LRMDA: variants seen among roughly 807,000 people sequenced by gnomAD.
LRMDA encodes leucine-rich melanocyte differentiation-associated protein.
LRMDA carries 18 observed loss-of-function variants against 29.8 expected under a neutral mutation model. The ratio of observed to expected loss-of-function variants is 0.60; its 90% CI spans 0.42 to 0.90. The LOEUF is 0.90. LRMDA is among the 40% of genes least tolerant of loss of function. The probability of loss-of-function intolerance (pLI) is 0.00; values close to 1 mark genes in which losing one functional copy is unlikely to be tolerated. For missense variants in LRMDA, 273 were observed against 273.9 expected (o/e 1.00, Z 0.02); for synonymous variants, 125 against 109.4 (o/e 1.14, Z -0.89).
intron 6 of LRMDA, among the ~76,000 whole-genome samples, chr10:76,472,060 C>T (rs904942838): frequency 2.0e-5 from 3 of 151,704 alleles, no homozygotes; most frequent in African/African-American, 7.2e-5. Flanking sequence ...TTGGACAACA[C>T]TATAAACCAA....
rs1845027564 is a variant in LRMDA at position 75,494,946 on chromosome 10, C to CA, written c.131+56453dup. Among the ~76,000 whole-genome samples, 3 of 152,324 alleles carry CA rather than the reference C, an allele frequency of 2.0e-5. No homozygotes were observed. In the South Asian group the frequency reaches 6.2e-4, roughly 32 times the overall value. ...GGATGGCAACTAGAAGTCCAGCCATCATGTCCACATTCCAGGCTGGCAGCA... is the reference window on the plus strand; with the variant it reads ...GGATGGCAACTAGAAGTCCAGCCATCAATGTCCACATTCCAGGCTGGCAGCA... On this transcript the variant is annotated intron_variant, in intron 2 of 6. Coordinates refer to ENST00000611255, the MANE Select transcript of LRMDA (RefSeq NM_001305581.2).
At position 76,313,696 on chromosome 10, in the gene LRMDA, C is replaced by T. The variant is rs190202996; in HGVS notation, c.517-10705C>T. Among the ~76,000 whole-genome samples the T allele has an allele frequency of 3.0e-3, 454 of 152,262 alleles. 2 individuals are homozygous for T. The highest frequency in any genetic ancestry group is 4.0e-3 in the Non-Finnish European group (275 of 68,026). On this transcript the variant is annotated intron_variant, in intron 5 of 6. Coordinates refer to ENST00000611255, the MANE Select transcript of LRMDA (RefSeq NM_001305581.2). ...CTGGGAAAAAAAGTGTGTGTGTATA[C>T]ACATGCATATATAATATATTGCATT... is the stretch of plus-strand genomic sequence containing the variant.
intron 3 of LRMDA, among the ~76,000 whole-genome samples, chr10:76,042,817 T>G (rs1324831303): frequency 6.6e-6 from 1 of 152,228 alleles, no homozygotes; most frequent in African/African-American, 2.4e-5. Flanking sequence ...TAGAAATGTT[T>G]CTTTCAGTTT....
chr10:76,191,011 T>C (rs544522427), intron 5 of LRMDA, among the ~76,000 whole-genome samples: 159 of 152,130 alleles, frequency 1.0e-3, no homozygotes, highest in Non-Finnish European at 2.0e-3. Flanking sequence ...TATGAAGAGA[T>C]CAGAAAAGAG....
intron 5 of LRMDA, among the ~76,000 whole-genome samples, chr10:76,283,430 G>C (rs918693515): frequency 6.6e-6 from 1 of 152,162 alleles, no homozygotes; most frequent in Non-Finnish European, 1.5e-5. Context: ...TGAGACAAGT[G>C]CTTGAGGGAC....
intron 4 of LRMDA, among the ~76,000 whole-genome samples, chr10:76,047,706 G>A (rs1484578931): frequency 6.6e-6 from 1 of 152,162 alleles, no homozygotes; most frequent in East Asian, 1.9e-4. Flanking sequence ...TCACCCATGG[G>A]CTGTAACTTG....
At chr10:75,597,132 C>G (rs1001273437) in intron 2 of LRMDA, among the ~76,000 whole-genome samples, 1 of 152,026 alleles carries the variant, frequency 6.6e-6, no homozygotes, top group African/African-American at 2.4e-5. Flanking sequence ...CACTTAATTA[C>G]AAAACCATGC....
At chr10:76,177,022 G>T (rs530779187) in intron 5 of LRMDA, among the ~76,000 whole-genome samples, 1 of 152,284 alleles carries the variant, frequency 6.6e-6, no homozygotes, top group South Asian at 2.1e-4. Flanking sequence ...ACAGGACCTG[G>T]GCACCCAATG....
At position 76,233,473 on chromosome 10, in the gene LRMDA, TAAAAG is replaced by T. The variant is rs777052699; in HGVS notation, c.517-90925_517-90921del. The stretch of plus-strand genomic sequence containing the variant: ...GGTTGGGATGGCTGTGACAATTTCT[TAAAAG>T]AAGACAACAATGAGGTTTGCCACAT... On this transcript the variant is annotated intron_variant, in intron 5 of 6. Coordinates refer to ENST00000611255, the MANE Select transcript of LRMDA (RefSeq NM_001305581.2). 3.4e-4 allele frequency among the ~76,000 whole-genome samples: 52 copies of T among 152,160 alleles called. 1 individual carries two copies. Among genetic ancestry groups the T allele is most frequent in the Admixed American group, 1.3e-4 (2 of 15,276 alleles).
At position 75,745,819 on chromosome 10, in the gene LRMDA, G is replaced by GT. The variant is rs141177905; in HGVS notation, c.132-290183dup. Among the ~76,000 whole-genome samples the GT allele has an allele frequency of 9.6e-3, 1,454 of 152,214 alleles. 9 individuals are homozygous for GT. Among genetic ancestry groups the GT allele is most frequent in the South Asian group, 0.036 (174 of 4,820 alleles). Reference sequence around the variant, plus strand: ...GTCTGTGACAATTCAGCTTTTCTTTGTTTTTTCGTGATGACCTTGACAGTC... The same window carrying GT: ...GTCTGTGACAATTCAGCTTTTCTTTGTTTTTTTCGTGATGACCTTGACAGTC... On this transcript the variant is annotated intron_variant, in intron 2 of 6. Coordinates refer to ENST00000611255, the MANE Select transcript of LRMDA (RefSeq NM_001305581.2).
intron 5 of LRMDA, among the ~76,000 whole-genome samples, chr10:76,059,646 C>A (rs147911370): frequency 1.3e-5 from 2 of 152,166 alleles, no homozygotes; most frequent in East Asian, 3.9e-4. Flanking sequence ...CACTGATATC[C>A]TAGAAGTCTA....
intron 2 of LRMDA, among the ~76,000 whole-genome samples, chr10:75,521,421 G>A (rs895433766): frequency 2.0e-5 from 3 of 152,206 alleles, no homozygotes; most frequent in South Asian, 2.1e-4. Context: ...AATGGCAGAC[G>A]CCCCTCCCCC....
At chr10:75,983,443 A>G (rs960682440) in intron 2 of LRMDA, among the ~76,000 whole-genome samples, 1 of 152,120 alleles carries the variant, frequency 6.6e-6, no homozygotes, top group Admixed American at 6.5e-5. Flanking sequence ...GATTCTGACG[A>G]TGATGATGGT....
At chr10:76,106,905 G>T (rs72813591) in intron 5 of LRMDA, among the ~76,000 whole-genome samples, 6,791 of 152,242 alleles carry the variant, frequency 0.045, 210 homozygotes, top group Middle Eastern at 0.072. Context: ...CCATTCTTTT[G>T]CCAGACTGAG....
intron 2 of LRMDA, among the ~76,000 whole-genome samples, chr10:75,773,072 C>T (rs866286530): frequency 5.3e-5 from 8 of 152,204 alleles, no homozygotes; most frequent in Non-Finnish European, 1.0e-4. Flanking sequence ...CATTCCACTG[C>T]GACCTTGCCA....
At chr10:75,941,899 T>C (rs1435459150) in intron 2 of LRMDA, among the ~76,000 whole-genome samples, 5 of 152,204 alleles carry the variant, frequency 3.3e-5, no homozygotes, top group Non-Finnish European at 5.9e-5. Context: ...CTAGGCTCCT[T>C]GTTCATGTCC....
At position 76,190,740 on chromosome 10, in the gene LRMDA, T is replaced by G. The variant is rs1036134313; in HGVS notation, c.516+131957T>G. 9.9e-5 allele frequency among the ~76,000 whole-genome samples: 15 copies of G among 152,242 alleles called. No homozygotes were observed. The Middle Eastern group carries it at 0.01, about 106-fold the overall frequency. On this transcript the variant is annotated intron_variant, in intron 5 of 6. Coordinates refer to ENST00000611255, the MANE Select transcript of LRMDA (RefSeq NM_001305581.2). ...GCATTCAGAGGGGGAAAGAGGGTAT[T>G]TTGCACCATGACAACAGGTGACCTC... is the stretch of plus-strand genomic sequence containing the variant.
chr10:76,477,198 CAA>C (rs1349602301), intron 6 of LRMDA, among the ~76,000 whole-genome samples: 1 of 152,066 alleles, frequency 6.6e-6, no homozygotes, highest in Non-Finnish European at 1.5e-5. Context: ...GCAACTTCAG[CAA>C]AGTCTCAGGA....
Position 75,517,817 on chromosome 10 carries a change from G to A in LRMDA, c.131+79323G>A, listed in dbSNP as rs187374679. 2.2e-3 allele frequency among the ~76,000 whole-genome samples: 329 copies of A among 152,278 alleles called. 3 individuals carry two copies. The highest frequency in any genetic ancestry group is 7.8e-3 in the African/African-American group (325 of 41,542). The stretch of plus-strand genomic sequence containing the variant: ...AATGCTTCCAGTTTTTGCCCATTCA[G>A]TATGATACTGGCTATGGGTTTGTCA... On this transcript the variant is annotated intron_variant, in intron 2 of 6. Coordinates refer to ENST00000611255, the MANE Select transcript of LRMDA (RefSeq NM_001305581.2).
Sources: allele counts gnomAD v4.1 joint callset (sites outside exome capture counted in the v4.1 genomes callset), GRCh38; gene constraint gnomAD v4.1.1; transcripts MANE v1.5; gene names NCBI Gene and HGNC (gene_info 2026-07-23, HGNC 2026-07-21).